SOX6: variants seen among roughly 807,000 people sequenced by gnomAD.
SOX6 encodes transcription factor SOX-6.
A neutral mutation model predicts 97.8 loss-of-function variants in SOX6; 11 were observed. The ratio of observed to expected loss-of-function variants is 0.11; its 90% CI spans 0.07 to 0.19. The LOEUF is 0.19. SOX6 is among the 10% of genes least tolerant of loss of function. The probability of loss-of-function intolerance (pLI) is 1.00; values close to 1 mark genes in which losing one functional copy is unlikely to be tolerated. For missense variants in SOX6, 810 were observed against 1,039.5 expected (o/e 0.78, Z 3.04); for synonymous variants, 360 against 371.4 (o/e 0.97, Z 0.35).
intron 4 of SOX6, among the ~76,000 whole-genome samples, chr11:16,516,806 G>C (rs1269615707): frequency 3.1e-4 from 47 of 150,932 alleles, no homozygotes; most frequent in South Asian, 6.4e-4. Flanking sequence ...GAAAAAGAGG[G>C]AATCCTCCCT....
intron 4 of SOX6, among the ~76,000 whole-genome samples, chr11:16,187,569 A>C (rs1028058047): frequency 6.6e-6 from 1 of 152,168 alleles, no homozygotes; most frequent in Non-Finnish European, 1.5e-5. Context: ...GAAAGGATCA[A>C]GTAAAATTCC....
intron 1 of SOX6, among the ~76,000 whole-genome samples, chr11:16,418,507 A>T (rs932089065): frequency 6.6e-6 from 1 of 152,182 alleles, no homozygotes; most frequent in Non-Finnish European, 1.5e-5. Flanking sequence ...AATTAGCCTT[A>T]AAAAAAGTGC....
At chr11:16,139,815 T>C (rs1265199950) in intron 6 of SOX6, among the ~76,000 whole-genome samples, 1 of 151,848 alleles carries the variant, frequency 6.6e-6, no homozygotes, top group Non-Finnish European at 1.5e-5. Context: ...TCTATATAGA[T>C]ATGGACATAT....
At chr11:16,553,452 G>C (rs1847712304) in intron 4 of SOX6, among the ~76,000 whole-genome samples, 1 of 152,214 alleles carries the variant, frequency 6.6e-6, no homozygotes, top group Admixed American at 6.6e-5. Context: ...CCATGGAAAG[G>C]AGTGGTGACT....
intron 4 of SOX6, among the ~76,000 whole-genome samples, chr11:16,551,131 A>T (rs1847681399): frequency 6.6e-6 from 1 of 152,292 alleles, no homozygotes; most frequent in East Asian, 1.9e-4. Flanking sequence ...GGATAGCTTG[A>T]GCCTAGGAGT....
chr11:16,166,344 C>T (rs1850887891), intron 6 of SOX6, among the ~76,000 whole-genome samples: 2 of 152,138 alleles, frequency 1.3e-5, no homozygotes, highest in African/African-American at 4.8e-5. Flanking sequence ...GCACTATTAA[C>T]TAAATATTTT....
chr11:16,504,946 A>T (rs1183026151), intron 4 of SOX6, among the ~76,000 whole-genome samples: 1 of 152,220 alleles, frequency 6.6e-6, no homozygotes, highest in Admixed American at 6.5e-5. Flanking sequence ...CAGAACCATG[A>T]GCCAATTAAA....
intron 1 of SOX6, among the ~76,000 whole-genome samples, chr11:16,466,302 A>G (rs965889270): frequency 5.9e-5 from 9 of 152,204 alleles, no homozygotes; most frequent in African/African-American, 2.2e-4. Flanking sequence ...AGATAAAACT[A>G]TATGCTGAGA....
intron 4 of SOX6, among the ~76,000 whole-genome samples, chr11:16,217,035 A>G (rs1488117381): frequency 6.6e-6 from 1 of 152,220 alleles, no homozygotes; most frequent in Admixed American, 6.5e-5. Flanking sequence ...TAACCGGTTA[A>G]CAAGAAATCC....
intron 1 of SOX6, among the ~76,000 whole-genome samples, chr11:16,469,469 A>G (rs1860102853): frequency 6.6e-6 from 1 of 152,170 alleles, no homozygotes; most frequent in Non-Finnish European, 1.5e-5. Flanking sequence ...TCAAAAAGTC[A>G]TCAAGCTATT....
chr11:16,058,249 C>T (rs938366291), intron 9 of SOX6, among the ~76,000 whole-genome samples: 1 of 151,940 alleles, frequency 6.6e-6, no homozygotes, highest in Non-Finnish European at 1.5e-5. Context: ...TTTAAAGATA[C>T]TCTTATTCTC....
At chr11:16,596,082 G>A (rs1016070009) in intron 4 of SOX6, among the ~76,000 whole-genome samples, 6 of 152,106 alleles carry the variant, frequency 3.9e-5, no homozygotes, top group Non-Finnish European at 7.4e-5. Flanking sequence ...ACACATAAGG[G>A]AAACAGAAAT....
At chr11:16,080,765 AACTT>A (rs1848455619) in intron 9 of SOX6, among the ~76,000 whole-genome samples, 1 of 152,194 alleles carries the variant, frequency 6.6e-6, no homozygotes, top group Admixed American at 6.5e-5. Flanking sequence ...AAGCATTTAC[AACTT>A]ACTACTGAAA....
intron 4 of SOX6, among the ~76,000 whole-genome samples, chr11:16,562,182 A>G (rs1360950673): frequency 6.6e-6 from 1 of 152,278 alleles, no homozygotes; most frequent in East Asian, 1.9e-4. Context: ...GGGCAGAAGT[A>G]CTTTTCCCCA....
intron 13 of SOX6, among the ~76,000 whole-genome samples, chr11:15,992,812 A>C (rs1217798168): frequency 6.6e-6 from 1 of 152,222 alleles, no homozygotes; most frequent in African/African-American, 2.4e-5. Flanking sequence ...TGAAGCATCC[A>C]TATGAGTACT....
At chr11:16,257,333 G>C (rs1398027149) in intron 3 of SOX6, among the ~76,000 whole-genome samples, 1 of 151,746 alleles carries the variant, frequency 6.6e-6, no homozygotes, top group Non-Finnish European at 1.5e-5. Flanking sequence ...CAATAATCAG[G>C]ACTGTGTGGT....
intron 4 of SOX6, among the ~76,000 whole-genome samples, chr11:16,608,504 G>A (rs371408735): frequency 3.3e-5 from 5 of 151,784 alleles, no homozygotes; most frequent in African/African-American, 4.8e-5. Context: ...AAAAGAAAGA[G>A]ATGAAGGAAG....
At chr11:16,340,016 A>T (rs1856582257) in intron 2 of SOX6, among the ~76,000 whole-genome samples, 2 of 152,118 alleles carry the variant, frequency 1.3e-5, no homozygotes, top group African/African-American at 4.8e-5. Flanking sequence ...CTACTGTTTC[A>T]GAGCATTGAC....
chr11:16,258,834 C>A (rs1023183701), intron 3 of SOX6, among the ~76,000 whole-genome samples: 27 of 151,452 alleles, frequency 1.8e-4, no homozygotes, highest in African/African-American at 6.3e-4. Flanking sequence ...TGTATATACA[C>A]ACACACACAC....
Sources: allele counts gnomAD v4.1 joint callset (sites outside exome capture counted in the v4.1 genomes callset), GRCh38; gene constraint gnomAD v4.1.1; transcripts MANE v1.5; gene names NCBI Gene and HGNC (gene_info 2026-07-23, HGNC 2026-07-21).